Variants in MED13L observed in about 807,000 individuals in gnomAD.
MED13L encodes the protein mediator of RNA polymerase II transcription subunit 13-like.
MED13L carries 7 observed loss-of-function variants against 220.9 expected under a neutral mutation model. The observed-to-expected ratio is 0.03, with a 90% CI of 0.02 to 0.06. The LOEUF (loss-of-function observed/expected upper bound fraction) is 0.06. Among genes scored for constraint, MED13L ranks in the 10% least tolerant of loss-of-function variants. MED13L has a pLI of 1.00. For missense variants in MED13L, 1,965 were observed against 2,760.5 expected (o/e 0.71, Z 6.46); for synonymous variants, 1,011 against 1,015.2 (o/e 1.00, Z 0.08).
chr12:115,961,507 C>A, intron 30 of MED13L, 109 bp from the exon 31 acceptor site: 3 of 1,422,092 alleles, frequency 2.1e-6, no homozygotes, highest in Non-Finnish European at 2.0e-6. Flanking sequence ...CAAAGGCATT[C>A]CTTAACTTGC....
At chr12:116,166,447 A>T (rs1879281479) in intron 2 of MED13L, among the ~76,000 whole-genome samples, 1 of 152,054 alleles carries the variant, frequency 6.6e-6, no homozygotes, top group Non-Finnish European at 1.5e-5. Context: ...AAAATTAGCC[A>T]GGCGCTGGCC....
At chr12:116,090,357 A>C (rs916375428) in intron 4 of MED13L, among the ~76,000 whole-genome samples, 1 of 152,222 alleles carries the variant, frequency 6.6e-6, no homozygotes, top group African/African-American at 2.4e-5. Context: ...TCAAGTTAAC[A>C]TAATCCTTCC....
chr12:116,192,067 A>C (rs1396743190), intron 2 of MED13L, among the ~76,000 whole-genome samples: 1 of 152,214 alleles, frequency 6.6e-6, no homozygotes, highest in Non-Finnish European at 1.5e-5. Context: ...ATAATGGTTA[A>C]ATTTTTTTAA....
chr12:116,109,047 C>G (rs1462167377), intron 3 of MED13L, among the ~76,000 whole-genome samples: 2 of 136,850 alleles, frequency 1.5e-5, no homozygotes, highest in African/African-American at 5.3e-5. Flanking sequence ...CTTTATATGT[C>G]ATAATTAATT....
At chr12:116,275,747 C>CA (rs989990832) in intron 1 of MED13L, among the ~76,000 whole-genome samples, 13 of 151,668 alleles carry the variant, frequency 8.6e-5, no homozygotes, top group East Asian at 5.8e-4. Flanking sequence ...ACCTCCCCCC[C>CA]AAAAAAAACA....
chr12:115,966,375 T>G (rs1592894318), intron 28 of MED13L, 132 bp from the exon 29 acceptor site: 1 of 1,049,742 alleles, frequency 9.5e-7, no homozygotes, highest in Non-Finnish European at 1.4e-6. Flanking sequence ...AAACAACAGG[T>G]GACTGAGAAA....
chr12:116,189,888 AC>A, intron 2 of MED13L, among the ~76,000 whole-genome samples: 1 of 151,974 alleles, frequency 6.6e-6, no homozygotes, highest in East Asian at 1.9e-4. Context: ...ATTTTGTTGT[AC>A]CCTGTGACCT....
At chr12:115,995,364 A>T (rs995530019) in intron 16 of MED13L, among the ~76,000 whole-genome samples, 1 of 152,202 alleles carries the variant, frequency 6.6e-6, no homozygotes, top group East Asian at 1.9e-4. Context: ...CTATCAATCA[A>T]ATCACTTTAT....
chr12:116,147,099 A>G (rs1877591914), intron 2 of MED13L, among the ~76,000 whole-genome samples: 1 of 152,182 alleles, frequency 6.6e-6, no homozygotes, highest in Non-Finnish European at 1.5e-5. Context: ...ACACATATCC[A>G]TTTAACCAAT....
At chr12:116,214,969 T>C (rs190644909) in intron 2 of MED13L, among the ~76,000 whole-genome samples, 41 of 152,306 alleles carry the variant, frequency 2.7e-4, no homozygotes, top group Admixed American at 2.5e-3. Flanking sequence ...CCAACTAATA[T>C]ATCCTAATGT....
At chr12:116,028,069 AAC>A (rs1460048235) in intron 4 of MED13L, among the ~76,000 whole-genome samples, 1 of 152,216 alleles carries the variant, frequency 6.6e-6, no homozygotes, top group East Asian at 1.9e-4. Context: ...TGTGCCCAAT[AAC>A]ACTTCTAAAT....
intron 4 of MED13L, among the ~76,000 whole-genome samples, chr12:116,080,624 C>T (rs7342356): frequency 1.4e-3 from 208 of 152,332 alleles, no homozygotes; most frequent in African/African-American, 4.7e-3. Context: ...ACTGTACTAC[C>T]TTACCTTCAA....
intron 2 of MED13L, among the ~76,000 whole-genome samples, chr12:116,111,991 C>CT (rs1874129535): frequency 6.6e-6 from 1 of 152,120 alleles, no homozygotes; most frequent in East Asian, 1.9e-4. Flanking sequence ...TTTTGAAGGT[C>CT]TAAAGGACAT....
At chr12:116,153,182 C>T (rs1878184803) in intron 2 of MED13L, among the ~76,000 whole-genome samples, 1 of 152,120 alleles carries the variant, frequency 6.6e-6, no homozygotes, top group Non-Finnish European at 1.5e-5. Flanking sequence ...TATTACTATC[C>T]ACATTAGTGC....
intron 2 of MED13L, among the ~76,000 whole-genome samples, chr12:116,212,364 T>G (rs537927582): frequency 6.6e-6 from 1 of 151,260 alleles, no homozygotes; most frequent in Admixed American, 6.6e-5. Context: ...GTTGATAGTA[T>G]TATTATTTTC....
chr12:116,103,539 A>T (rs2137853878), intron 3 of MED13L, among the ~76,000 whole-genome samples: 1 of 152,324 alleles, frequency 6.6e-6, no homozygotes, highest in South Asian at 2.1e-4. Context: ...CTCCTGACTC[A>T]GCCTCCTGAG....
intron 16 of MED13L, among the ~76,000 whole-genome samples, 188 bp from the exon 17 acceptor site, chr12:115,992,145 GAGA>G (rs1341399359): frequency 6.6e-6 from 1 of 151,288 alleles, no homozygotes; most frequent in African/African-American, 2.4e-5. Context: ...GCAGTGTGTA[GAGA>G]AGAAGAAAGT....
chr12:116,225,754 G>C (rs1868916649), intron 2 of MED13L, among the ~76,000 whole-genome samples: 2 of 152,066 alleles, frequency 1.3e-5, no homozygotes, highest in Non-Finnish European at 2.9e-5. Context: ...TCTTAATGAA[G>C]AGACCTCATG....
chr12:115,982,693 G>A, intron 21 of MED13L, 90 bp from the exon 22 acceptor site: 2 of 1,105,594 alleles, frequency 1.8e-6, no homozygotes, highest in Non-Finnish European at 2.7e-6. Flanking sequence ...GAGCACACAG[G>A]CTCCCTAAAG....
Sources: allele counts gnomAD v4.1 joint callset (sites outside exome capture counted in the v4.1 genomes callset), GRCh38; gene constraint gnomAD v4.1.1; transcripts MANE v1.5; gene names NCBI Gene and HGNC (gene_info 2026-07-23, HGNC 2026-07-21).